Variants in TMEM167A observed in about 807,000 individuals in gnomAD.
TMEM167A encodes protein kish-A.
Under a neutral mutation model 11.6 loss-of-function variants are expected in TMEM167A, and 8 were observed. That is an observed-to-expected ratio of 0.69 (90% CI 0.40 to 1.24). The LOEUF is 1.24. TMEM167A is among the 50% of genes most tolerant of loss of function. TMEM167A has a pLI of 0.01. For synonymous variants in TMEM167A, 22 were observed against 28.0 expected, an observed-to-expected ratio of 0.79 and a Z score of 0.67; for missense variants, 62 against 87.0, an observed-to-expected ratio of 0.71 and a Z score of 1.14.
chr5:83,063,350 A>G (rs1362090569), intron 2 of TMEM167A, among the ~76,000 whole-genome samples: 1 of 152,104 alleles, frequency 6.6e-6, no homozygotes, highest in Non-Finnish European at 1.5e-5. Context: ...TACTGTGTTC[A>G]TATATAGGCT....
chr5:83,065,822 C>A (rs1744473663), intron 1 of TMEM167A, among the ~76,000 whole-genome samples: 1 of 152,070 alleles, frequency 6.6e-6, no homozygotes, highest in African/African-American at 2.4e-5. Context: ...TCATAAGAAA[C>A]CATAAGTTTC....
At chr5:83,074,476 G>C (rs1349421401) in intron 1 of TMEM167A, among the ~76,000 whole-genome samples, 2 of 152,208 alleles carry the variant, frequency 1.3e-5, no homozygotes, top group Admixed American at 1.3e-4. Context: ...ATTCTCTGGA[G>C]ACTCAGTTTA....
chr5:83,067,878 A>T (rs1333062632), intron 1 of TMEM167A, among the ~76,000 whole-genome samples: 1 of 152,156 alleles, frequency 6.6e-6, no homozygotes, highest in Non-Finnish European at 1.5e-5. Flanking sequence ...TATGGTCTGA[A>T]AAAGACAAAA....
In TMEM167A at chr5:83,065,028, G is replaced by A; in HGVS notation, c.93C>T (p.Leu31=). Residue 31 remains leucine (L), a synonymous_variant, in exon 2 of 4, where the codon CTC becomes CTT. Transcript: ENST00000502346. ...CAYIRSLAPS[L]LDRNKTGLLG... is the part of the protein sequence containing the mutation. Reference sequence around the variant, plus strand: ...CATACCCAGTTTTATTTCTGTCCAGGAGGCTGGGTGCCAAGGATCGAATAT... The same window carrying A: ...CATACCCAGTTTTATTTCTGTCCAGAAGGCTGGGTGCCAAGGATCGAATAT... 6.2e-7 allele frequency: 1 copy of A among 1,604,852 alleles called. No individual in the cohort carries two copies. Among genetic ancestry groups the A allele is most frequent in the Non-Finnish European group, 8.5e-7 (1 of 1,175,930 alleles).
At chr5:83,072,885 C>A (rs1484018018) in intron 1 of TMEM167A, among the ~76,000 whole-genome samples, 1 of 152,020 alleles carries the variant, frequency 6.6e-6, no homozygotes, top group Non-Finnish European at 1.5e-5. Context: ...TTCATGGAAC[C>A]CTTTCATGGG....
At chr5:83,066,959 A>T (rs1204027164) in intron 1 of TMEM167A, among the ~76,000 whole-genome samples, 1 of 152,192 alleles carries the variant, frequency 6.6e-6, no homozygotes, top group Admixed American at 6.5e-5. Context: ...TGCAACATAA[A>T]AGCCCTTCCC....
At chr5:83,067,112 T>C (rs1001060813) in intron 1 of TMEM167A, among the ~76,000 whole-genome samples, 6 of 152,146 alleles carry the variant, frequency 3.9e-5, no homozygotes, top group African/African-American at 1.2e-4. Context: ...GATTTTTATA[T>C]TGGAAGGCAA....
chr5:83,077,271 CACA>C, intron 1 of TMEM167A, 47 bp downstream of exon 1: 2 of 1,614,154 alleles, frequency 1.2e-6, no homozygotes, highest in Non-Finnish European at 1.7e-6. Context: ...AGTCTAGATC[CACA>C]ACCCCTTCTC....
At position 83,054,039 on chromosome 5, in the gene TMEM167A, G is replaced by C. The variant is rs1163540623; in HGVS notation, c.*3045C>G. 5 of 152,100 alleles carry C rather than the reference G, an allele frequency of 3.3e-5. No individual in the cohort carries two copies. The East Asian group carries it at 9.6e-4, about 29-fold the overall frequency. 9.4% of individuals were successfully genotyped at this position (152,100 alleles called of 1,614,324 possible). A position where few individuals can be genotyped will look rare whatever the true frequency, so the allele number is the denominator to read the frequency against. ...ACTCTTTTTCACAAAACCAGGCAGA[G>C]ATCTGCTCATTTTTACTCTGTAAAC... On this transcript the variant is annotated 3_prime_UTR_variant, in exon 4 of 4. Coordinates refer to ENST00000502346, the MANE Select transcript of TMEM167A (RefSeq NM_174909.5).
At chr5:83,074,476 G>T (rs1349421401) in intron 1 of TMEM167A, among the ~76,000 whole-genome samples, 2 of 152,208 alleles carry the variant, frequency 1.3e-5, no homozygotes, top group Non-Finnish European at 2.9e-5. Context: ...ATTCTCTGGA[G>T]ACTCAGTTTA....
chr5:83,074,333 A>G (rs2112250838), intron 1 of TMEM167A, among the ~76,000 whole-genome samples: 1 of 152,346 alleles, frequency 6.6e-6, no homozygotes, highest in Non-Finnish European at 1.5e-5. Context: ...TCTTTAAAGT[A>G]CAGGTGAGAG....
chr5:83,076,621 G>A (rs1047399211), intron 1 of TMEM167A, among the ~76,000 whole-genome samples: 1 of 152,194 alleles, frequency 6.6e-6, no homozygotes, highest in African/African-American at 2.4e-5. Flanking sequence ...CAAGCTTTTT[G>A]GAGTCATAGT....
At position 83,055,693 on chromosome 5, in the gene TMEM167A, C is replaced by T. The variant is rs1264349317; in HGVS notation, c.*1391G>A. 1 of 151,918 alleles carries T rather than the reference C, an allele frequency of 6.6e-6. No homozygotes were observed. The highest frequency in any genetic ancestry group is 1.5e-5 in the Non-Finnish European group (1 of 67,912). The allele number at this position is 151,918 out of a possible 1,614,324, so 9.4% of individuals were successfully genotyped here. A position where few individuals can be genotyped will look rare whatever the true frequency, so the allele number is the denominator to read the frequency against. ...GGCAACACACAAGCTTAAGATGTTT[C>T]CTAGAATCCATTCCAAGTGGTTTAA... On this transcript the variant is annotated 3_prime_UTR_variant, in exon 4 of 4. Coordinates refer to ENST00000502346, the MANE Select transcript of TMEM167A (RefSeq NM_174909.5).
rs1174926517 is a variant in TMEM167A, at chr5:83,054,601, C to A, written c.*2483G>T. 6.6e-6 allele frequency: 1 copy of A among 151,910 alleles called. No individual in the cohort carries two copies. The highest frequency in any genetic ancestry group is 1.5e-5 in the Non-Finnish European group (1 of 67,916). The allele number at this position is 151,910 out of a possible 1,614,324, so 9.4% of individuals were successfully genotyped here. A position where few individuals can be genotyped will look rare whatever the true frequency, so the allele number is the denominator to read the frequency against. ...CTAACACAGAACAGAAAACCAAATA[C>A]ATGTTCTCATTTAGAAGTAGGAGCT... On this transcript the variant is annotated 3_prime_UTR_variant, in exon 4 of 4. Coordinates refer to ENST00000502346, the MANE Select transcript of TMEM167A (RefSeq NM_174909.5).
intron 1 of TMEM167A, among the ~76,000 whole-genome samples, chr5:83,066,519 G>C (rs946914162): frequency 2.0e-5 from 3 of 152,096 alleles, no homozygotes; most frequent in Non-Finnish European, 4.4e-5. Context: ...AAAAAAGATA[G>C]CATCCAGAAC....
At chr5:83,066,555 G>A (rs796609499) in intron 1 of TMEM167A, among the ~76,000 whole-genome samples, 1 of 152,150 alleles carries the variant, frequency 6.6e-6, no homozygotes, top group Non-Finnish European at 1.5e-5. Flanking sequence ...CTAGGAATAA[G>A]CTTAACAAGA....
chr5:83,057,333 A>G (rs558127083), intron 3 of TMEM167A, among the ~76,000 whole-genome samples, 179 bp from the exon 4 acceptor site: 2 of 152,166 alleles, frequency 1.3e-5, no homozygotes, highest in South Asian at 2.1e-4. Flanking sequence ...AGAATGGGCT[A>G]AACTATTAAT....
At chr5:83,072,320 G>A (rs1376436135) in intron 1 of TMEM167A, among the ~76,000 whole-genome samples, 1 of 152,096 alleles carries the variant, frequency 6.6e-6, no homozygotes, top group Non-Finnish European at 1.5e-5. Flanking sequence ...TAAAAAGGTT[G>A]GACAAGAGAC....
chr5:83,066,503 C>A (rs970900534), intron 1 of TMEM167A, among the ~76,000 whole-genome samples: 1 of 151,712 alleles, frequency 6.6e-6, no homozygotes, highest in Non-Finnish European at 1.5e-5. Flanking sequence ...AGGAGAAAGA[C>A]AATGGAAAAA....
Sources: gnomAD v4.1 joint callset for allele counts (sites outside exome capture counted in the v4.1 genomes callset) on GRCh38, gnomAD v4.1.1 for gene constraint, MANE v1.5 for transcripts, NCBI Gene and HGNC (gene_info 2026-07-23, HGNC 2026-07-21) for gene names.